The following CEP192 variants were observed in gnomAD, a reference collection of about 807,000 sequenced individuals.
CEP192 encodes centrosomal protein 192.
In CEP192, 151 loss-of-function variants were observed where a neutral mutation model predicts 271.8. The ratio of observed to expected loss-of-function variants is 0.56; its 90% CI spans 0.49 to 0.64. The LOEUF (loss-of-function observed/expected upper bound fraction) is 0.64, where lower values mean the gene tolerates loss of function less well. CEP192 is among the 30% of genes least tolerant of loss of function. The probability of loss-of-function intolerance (pLI) is 0.00; values close to 1 mark genes in which losing one functional copy is unlikely to be tolerated. For missense variants in CEP192, 2,910 were observed against 3,020.5 expected, an observed-to-expected ratio of 0.96 and a Z score of 0.86; for synonymous variants, 995 against 1,076.5, an observed-to-expected ratio of 0.92 and a Z score of 1.48.
chr18:13,008,204 G>A (rs2036324691), intron 3 of CEP192, among the ~76,000 whole-genome samples: 1 of 151,208 alleles, frequency 6.6e-6, no homozygotes, highest in Admixed American at 6.6e-5. Flanking sequence ...ACTTTTTGCT[G>A]CTTGAAAGAG....
intron 32 of CEP192, 74 bp downstream of exon 32, chr18:13,087,720 G>A (rs181659159): frequency 1.5e-6 from 1 of 648,010 alleles, no homozygotes; most frequent in Admixed American, 3.1e-5. Context: ...CTTGGGATTT[G>A]GAATTTTTAG....
rs1338723934 is a variant in CEP192, at chr18:13,040,898, T to G, written c.1878T>G (p.Asp626Glu). 1 of 1,608,128 alleles carries G rather than the reference T, an allele frequency of 6.2e-7. No homozygotes were observed. Among genetic ancestry groups the G allele is most frequent in the South Asian group, 1.1e-5 (1 of 90,782 alleles). ...REPIALIRKS[D>E]VSRGNLEKEM... ...CTATTGCCTTAATAAGAAAATCTGATGTATCAAGAGGTAATTTGGAAAAAG... is the reference window on the plus strand; with the variant it reads ...CTATTGCCTTAATAAGAAAATCTGAGGTATCAAGAGGTAATTTGGAAAAAG... The change falls in exon 14 of 45, where the codon GAT (aspartate) becomes GAG (glutamate). Residue 626 changes from aspartate (D) to glutamate (E), a missense_variant. Physicochemically the swap from Asp to Glu is conservative, Grantham distance 45. Coordinates refer to ENST00000506447, the MANE Select transcript of CEP192 (RefSeq NM_032142.4).
chr18:13,060,796 T>C (rs1200416787), intron 21 of CEP192, among the ~76,000 whole-genome samples: 1 of 151,996 alleles, frequency 6.6e-6, no homozygotes, highest in Non-Finnish European at 1.5e-5. Flanking sequence ...TGGTGGTGCA[T>C]GCTTGTGATC....
chr18:13,042,673 T>C (rs1485926779), intron 15 of CEP192, among the ~76,000 whole-genome samples: 2 of 152,238 alleles, frequency 1.3e-5, no homozygotes, highest in Non-Finnish European at 2.9e-5. Context: ...CCTGTATTAA[T>C]TTTATCTGAT....
rs915471147 is a variant in CEP192, at chr18:13,077,660, A to G, written c.5616+4475A>G. Among the ~76,000 whole-genome samples, 72 of 152,304 alleles carry G rather than the reference A, an allele frequency of 4.7e-4. 5 individuals carry two copies. Among genetic ancestry groups the G allele is most frequent in the Admixed American group, 1.3e-4 (2 of 15,294 alleles). ...TAGTGTGCTGCTTCCTCCGTTGACA[A>G]TGTGTCTGTCCTTGAAAAGTTGTTT... On this transcript the variant is annotated intron_variant, in intron 30 of 44. Coordinates refer to ENST00000506447, the MANE Select transcript of CEP192 (RefSeq NM_032142.4).
At chr18:12,995,078 T>C (rs2033130653) in intron 1 of CEP192, among the ~76,000 whole-genome samples, 1 of 75,086 alleles carries the variant, frequency 1.3e-5, no homozygotes, top group Non-Finnish European at 2.4e-5. Flanking sequence ...TTTTTTTTTT[T>C]TGAGACGGAG....
intron 27 of CEP192, among the ~76,000 whole-genome samples, chr18:13,070,822 T>A (rs563448750): frequency 1.8e-4 from 28 of 152,292 alleles, no homozygotes; most frequent in Non-Finnish European, 3.2e-4. Context: ...ATAAATAGCA[T>A]TCCCAAAGCA....
intron 7 of CEP192, 134 bp from the exon 8 acceptor site, chr18:13,018,346 G>A (rs753623809): frequency 1.5e-4 from 76 of 510,406 alleles, no homozygotes; most frequent in Non-Finnish European, 2.1e-4. Context: ...GATTACTCTC[G>A]TGGTGACAAT....
intron 38 of CEP192, among the ~76,000 whole-genome samples, chr18:13,101,228 A>G (rs73419538): frequency 0.014 from 2,172 of 152,296 alleles, 58 homozygotes; most frequent in African/African-American, 0.05. Flanking sequence ...AGTAAATGAC[A>G]TGAGATATTC....
chr18:13,065,628 T>G (rs2037654260), intron 21 of CEP192, among the ~76,000 whole-genome samples: 1 of 152,224 alleles, frequency 6.6e-6, no homozygotes, highest in South Asian at 2.1e-4. Context: ...CTTTTGAGAT[T>G]TGGTTTAAGC....
At chr18:13,119,453 A>T (rs8094351) in intron 44 of CEP192, among the ~76,000 whole-genome samples, 20,871 of 152,140 alleles carry the variant, frequency 0.14, 1,579 homozygotes, top group East Asian at 0.31. Flanking sequence ...TAAAAAATAT[A>T]TTTTTTAGGC....
In CEP192 at chr18:13,100,497, C is replaced by T; in HGVS notation, c.6856C>T (p.Pro2286Ser). 6.2e-7 allele frequency: 1 copy of T among 1,611,972 alleles called. No individual in the cohort carries two copies. Among genetic ancestry groups the T allele is most frequent in the South Asian group, 1.1e-5 (1 of 91,040 alleles). ...GAGTATTACTTTTCCTACAACAGAA[C>T]CTGGTGAAACTTCAGGTATTGTATC... The part of the protein sequence containing the change: ...NKSITFPTTE[P>S]GETSESCLEL... The change falls in exon 38 of 45, where the codon CCT becomes TCT. Residue 2286 changes from proline to serine, a missense_variant. Transcript: ENST00000506447.
At position 13,072,742 on chromosome 18, in the gene CEP192, T is replaced by C. The variant is rs1377501182; in HGVS notation, c.5349-13T>C. On this transcript the variant is annotated splice_polypyrimidine_tract_variant and intron_variant, in intron 28 of 44. Transcript: ENST00000506447. ...GGAGAAAAACCATATTTAAAATGTC[T>C]AATTGTTTTTAGGCTTCAGAAACTA... The C allele has an allele frequency of 2.0e-6, 3 of 1,531,888 alleles. No individual in the cohort carries two copies. Among genetic ancestry groups the C allele is most frequent in the Non-Finnish European group, 2.7e-6 (3 of 1,105,400 alleles). 94.9% of individuals were successfully genotyped at this position (1,531,888 alleles called of 1,614,324 possible). A position where few individuals can be genotyped will look rare whatever the true frequency, so the allele number is the denominator to read the frequency against.
intron 40 of CEP192, among the ~76,000 whole-genome samples, chr18:13,109,009 T>C (rs1376085510): frequency 7.2e-5 from 11 of 152,228 alleles, no homozygotes; most frequent in Non-Finnish European, 1.6e-4. Flanking sequence ...TCAAAGAACT[T>C]AGAGCTACTA....
Position 13,017,279 on chromosome 18 carries a change from A to G in CEP192, c.732A>G (p.Leu244=). 1.3e-6 allele frequency: 2 copies of G among 1,550,522 alleles called. No individual in the cohort carries two copies. The highest frequency in any genetic ancestry group is 8.7e-7 in the Non-Finnish European group (1 of 1,146,298). Residue 244 remains leucine, a synonymous_variant, in exon 7 of 45, where the codon CTA becomes CTG. Coordinates refer to ENST00000506447, the MANE Select transcript of CEP192 (RefSeq NM_032142.4). ...LAIPGMIYED[L]EGPEPPEKGF... ...TTCCAGGAATGATATATGAAGACCTAGAAGGACCAGAACCTCCAGAAAAAG... is the reference window on the plus strand; with the variant it reads ...TTCCAGGAATGATATATGAAGACCTGGAAGGACCAGAACCTCCAGAAAAAG...
intron 38 of CEP192, among the ~76,000 whole-genome samples, 166 bp downstream of exon 38, chr18:13,100,678 A>G (rs1242944053): frequency 6.6e-6 from 1 of 152,246 alleles, no homozygotes; most frequent in Admixed American, 6.5e-5. Flanking sequence ...GATCTGAACA[A>G]TCTTAAAATG....
intron 28 of CEP192, among the ~76,000 whole-genome samples, chr18:13,071,528 A>G (rs1343136820): frequency 6.6e-6 from 1 of 152,226 alleles, no homozygotes; most frequent in Non-Finnish European, 1.5e-5. Flanking sequence ...CATAGAGAAT[A>G]TGCAGTACAT....
In CEP192 at chr18:13,042,217, A is replaced by T. The variant is rs1312976419; in HGVS notation, c.1950A>T (p.Glu650Asp). The change falls in exon 15 of 45, where the codon GAA (glutamate) becomes GAT (aspartate). Residue 650 changes from glutamate to aspartate, a missense_variant. Physicochemically the swap from Glu to Asp is conservative, Grantham distance 45 (BLOSUM62 2). Transcript: ENST00000506447. ...TATTTCCTGCAGGAGATTTAAATGA[A>T]CAGTCCCAGGCACAGCTAAGTGAAG... is the stretch of plus-strand genomic sequence containing the variant. ...NHDLYSGDLNEQSQAQLSEGS... is the reference protein window; with the variant it reads ...NHDLYSGDLNDQSQAQLSEGS... 1 of 1,611,762 alleles carries T rather than the reference A, an allele frequency of 6.2e-7. No individual in the cohort carries two copies. Among genetic ancestry groups the T allele is most frequent in the African/African-American group, 1.3e-5 (1 of 74,848 alleles).
Position 13,099,536 on chromosome 18 carries a change from C to A in CEP192, c.6618C>A (p.Phe2206Leu). 1.2e-6 allele frequency: 2 copies of A among 1,604,602 alleles called. No individual in the cohort carries two copies. Among genetic ancestry groups the A allele is most frequent in the Non-Finnish European group, 1.7e-6 (2 of 1,175,780 alleles). The change falls in exon 37 of 45, where the codon TTC (phenylalanine) becomes TTA (leucine). Residue 2206 changes from phenylalanine to leucine, a missense_variant. By Grantham distance (22) the Phe-to-Leu change is conservative (BLOSUM62 0). Transcript: ENST00000506447. ...CCTTATCCACAAAACAGTCAATGTT[C>A]CCGTGGAGTGGTTTGATCTATATAC... ...NSSLSTKQSM[F>L]PWSGLIYIHC...
Sources: gnomAD v4.1 joint callset for allele counts (sites outside exome capture counted in the v4.1 genomes callset) on GRCh38, gnomAD v4.1.1 for gene constraint, MANE v1.5 for transcripts, NCBI Gene and HGNC (gene_info 2026-07-23, HGNC 2026-07-21) for gene names.